Variants in GRID2 observed in about 807,000 individuals in gnomAD.
GRID2 encodes the protein glutamate receptor ionotropic, delta-2.
In GRID2, 33 loss-of-function variants were observed where a neutral mutation model predicts 114.8. The observed-to-expected ratio is 0.29, with a 90% CI of 0.22 to 0.38. GRID2 has a LOEUF of 0.38. Among genes scored for constraint, GRID2 ranks in the 10% least tolerant of loss-of-function variants. The pLI is 1.00. For synonymous variants in GRID2, 505 were observed against 449.9 expected, an observed-to-expected ratio of 1.12 and a Z score of -1.55; for missense variants, 1,184 against 1,257.7, an observed-to-expected ratio of 0.94 and a Z score of 0.89.
chr4:92,638,592 G>A (rs1483598470), intron 2 of GRID2, among the ~76,000 whole-genome samples: 8 of 149,516 alleles, frequency 5.4e-5, no homozygotes, highest in African/African-American at 2.0e-4. Context: ...AATGAAATTC[G>A]AGAGTACTAA....
At chr4:92,989,793 T>C (rs748447588) in intron 2 of GRID2, among the ~76,000 whole-genome samples, 13 of 152,174 alleles carry the variant, frequency 8.5e-5, no homozygotes, top group Non-Finnish European at 1.8e-4. Flanking sequence ...CTGGGTGACA[T>C]ATGACTTTCA....
chr4:92,995,242 T>C (rs1003880973), intron 2 of GRID2, among the ~76,000 whole-genome samples: 5 of 152,126 alleles, frequency 3.3e-5, no homozygotes, highest in African/African-American at 1.2e-4. Flanking sequence ...AGTGGATACA[T>C]CTCTCTTCTT....
chr4:93,169,516 T>C (rs562775007), intron 4 of GRID2, among the ~76,000 whole-genome samples: 1 of 152,054 alleles, frequency 6.6e-6, no homozygotes, highest in South Asian at 2.1e-4. Context: ...AAGAAGCAGA[T>C]ATAGTCAATA....
chr4:93,458,977 C>A (rs532808423), intron 11 of GRID2, among the ~76,000 whole-genome samples: 1 of 151,602 alleles, frequency 6.6e-6, no homozygotes, highest in Non-Finnish European at 1.5e-5. Context: ...GTCAGGAGTT[C>A]GAGACCAGCC....
chr4:93,338,186 A>G (rs1010175040), intron 8 of GRID2, among the ~76,000 whole-genome samples: 1 of 152,156 alleles, frequency 6.6e-6, no homozygotes, highest in Non-Finnish European at 1.5e-5. Flanking sequence ...TTGAACAGGA[A>G]GCATATTTTC....
chr4:93,250,262 G>A (rs1748713890), intron 8 of GRID2, among the ~76,000 whole-genome samples: 2 of 152,010 alleles, frequency 1.3e-5, no homozygotes, highest in African/African-American at 2.4e-5. Context: ...ACCAAACACT[G>A]CATGTTCTCA....
At chr4:93,103,587 CACTA>C (rs1731905318) in intron 3 of GRID2, among the ~76,000 whole-genome samples, 1 of 151,910 alleles carries the variant, frequency 6.6e-6, no homozygotes, top group African/African-American at 2.4e-5. Flanking sequence ...GAAAAAAAAT[CACTA>C]ACATCAGGGA....
intron 2 of GRID2, among the ~76,000 whole-genome samples, chr4:93,029,220 T>C (rs2149255258): frequency 6.6e-6 from 1 of 152,216 alleles, no homozygotes; most frequent in Admixed American, 6.5e-5. Flanking sequence ...ACTTTATTTT[T>C]CTTTAAACTT....
At chr4:92,962,072 C>T (rs1445849728) in intron 2 of GRID2, among the ~76,000 whole-genome samples, 1 of 151,902 alleles carries the variant, frequency 6.6e-6, no homozygotes, top group African/African-American at 2.4e-5. Flanking sequence ...TTCTTACATG[C>T]TGTCTCCTTT....
chr4:92,755,589 G>C (rs902996685), intron 2 of GRID2, among the ~76,000 whole-genome samples: 1 of 152,012 alleles, frequency 6.6e-6, no homozygotes, highest in Admixed American at 6.6e-5. Context: ...AGTGATGAAC[G>C]TTACAGGCAA....
chr4:92,963,262 T>C (rs1011836988), intron 2 of GRID2, among the ~76,000 whole-genome samples: 6 of 152,000 alleles, frequency 3.9e-5, no homozygotes, highest in African/African-American at 1.4e-4. Context: ...ATTGCCTCTT[T>C]GTTTCACAAA....
At chr4:93,018,397 T>C (rs879037725) in intron 2 of GRID2, among the ~76,000 whole-genome samples, 2 of 152,172 alleles carry the variant, frequency 1.3e-5, no homozygotes, top group Non-Finnish European at 2.9e-5. Flanking sequence ...CAGAACTAGC[T>C]AATATCAGCT....
intron 1 of GRID2, among the ~76,000 whole-genome samples, chr4:92,498,670 G>C (rs559036397): frequency 6.6e-6 from 1 of 151,916 alleles, no homozygotes; most frequent in East Asian, 1.9e-4. Context: ...TGCTTGAATT[G>C]TGAGTCTATC....
intron 8 of GRID2, among the ~76,000 whole-genome samples, chr4:93,275,686 T>C (rs2149576632): frequency 6.6e-6 from 1 of 152,010 alleles, no homozygotes; most frequent in Non-Finnish European, 1.5e-5. Flanking sequence ...AGGTGATATC[T>C]CATTATGTTT....
At chr4:92,861,746 TAAG>T (rs1004286598) in intron 2 of GRID2, among the ~76,000 whole-genome samples, 13 of 152,004 alleles carry the variant, frequency 8.6e-5, no homozygotes, top group East Asian at 1.9e-4. Context: ...TCTTATTAAA[TAAG>T]AAGTAACTAA....
chr4:92,647,087 C>T (rs111876974), intron 2 of GRID2, among the ~76,000 whole-genome samples: 342 of 152,232 alleles, frequency 2.2e-3, no homozygotes, highest in African/African-American at 7.5e-3. Flanking sequence ...GGCAATGTTT[C>T]CCAATATGTA....
intron 2 of GRID2, among the ~76,000 whole-genome samples, chr4:92,784,345 A>G (rs1296786154): frequency 6.6e-6 from 1 of 151,962 alleles, no homozygotes; most frequent in Non-Finnish European, 1.5e-5. Flanking sequence ...TCCCTTAACA[A>G]AAACTTCACT....
At chr4:92,762,030 G>A (rs1240010707) in intron 2 of GRID2, among the ~76,000 whole-genome samples, 1 of 152,064 alleles carries the variant, frequency 6.6e-6, no homozygotes, top group African/African-American at 2.4e-5. Flanking sequence ...CCTGATTCAA[G>A]TGATTCTCCT....
At chr4:93,049,142 T>G (rs909493650) in intron 2 of GRID2, among the ~76,000 whole-genome samples, 1 of 152,100 alleles carries the variant, frequency 6.6e-6, no homozygotes, top group Non-Finnish European at 1.5e-5. Context: ...CAAAGCATTA[T>G]AGAATGATAT....
Sources: allele counts gnomAD v4.1 joint callset (sites outside exome capture counted in the v4.1 genomes callset), GRCh38; gene constraint gnomAD v4.1.1; transcripts MANE v1.5; gene names NCBI Gene and HGNC (gene_info 2026-07-23, HGNC 2026-07-21).